The following DNMT3A variants were observed in gnomAD, a reference collection of about 807,000 sequenced individuals.
DNMT3A encodes the protein DNA (cytosine-5)-methyltransferase 3A.
Under a neutral mutation model 117.6 loss-of-function variants are expected in DNMT3A, and 267 were observed. The observed-to-expected ratio is 2.27, with a 90% CI of 2.05 to 2.51. DNMT3A has a LOEUF of 2.51. Among genes scored for constraint, DNMT3A ranks in the 30% most tolerant of loss-of-function variants. The probability of loss-of-function intolerance (pLI) is 0.00; values close to 1 mark genes in which losing one functional copy is unlikely to be tolerated. For missense variants in DNMT3A, 1,029 were observed against 1,260.2 expected, an observed-to-expected ratio of 0.82 and a Z score of 2.78; for synonymous variants, 432 against 474.8, an observed-to-expected ratio of 0.91 and a Z score of 1.17.
At chr2:25,314,192 G>A (rs991247385) in intron 1 of DNMT3A, 31 bp from the exon 2 acceptor site, 30 of 1,410,158 alleles carry the variant, frequency 2.1e-5, no homozygotes, top group East Asian at 1.3e-4. Flanking sequence ...TCAGTGGGGC[G>A]GAGCACCCCA....
intron 16 of DNMT3A, among the ~76,000 whole-genome samples, chr2:25,243,263 C>A (rs933557849): frequency 4.0e-5 from 6 of 150,822 alleles, no homozygotes; most frequent in Non-Finnish European, 5.9e-5. Context: ...CAAGATGGCA[C>A]CACTGCACTC....
chr2:25,295,205 C>A (rs1321966240), intron 3 of DNMT3A, among the ~76,000 whole-genome samples: 1 of 152,174 alleles, frequency 6.6e-6, no homozygotes, highest in East Asian at 1.9e-4. Context: ...TCCTTAGAGG[C>A]TGCCCCTTCC....
chr2:25,269,125 C>T (rs568875896), intron 6 of DNMT3A, among the ~76,000 whole-genome samples: 20 of 152,294 alleles, frequency 1.3e-4, no homozygotes, highest in African/African-American at 4.8e-4. Context: ...AGTTCGAGAC[C>T]AGCCAGGTCA....
At chr2:25,321,481 T>C (rs1428426697) in intron 1 of DNMT3A, among the ~76,000 whole-genome samples, 1 of 152,206 alleles carries the variant, frequency 6.6e-6, no homozygotes. Context: ...TCCCCTCATC[T>C]CTAGGTCATT....
At chr2:25,250,241 T>C (rs1323484538) in intron 6 of DNMT3A, among the ~76,000 whole-genome samples, 4 of 152,214 alleles carry the variant, frequency 2.6e-5, no homozygotes, top group Non-Finnish European at 4.4e-5. Flanking sequence ...CAATGTATTG[T>C]CTTACAGATT....
chr2:25,323,389 C>T (rs1001656814), intron 1 of DNMT3A, among the ~76,000 whole-genome samples: 2 of 152,204 alleles, frequency 1.3e-5, no homozygotes, highest in Non-Finnish European at 2.9e-5. Context: ...GAGTCTATGA[C>T]TTGTGGTTGA....
intron 1 of DNMT3A, among the ~76,000 whole-genome samples, chr2:25,322,626 CT>C (rs1439961112): frequency 6.6e-6 from 1 of 151,864 alleles, no homozygotes; most frequent in East Asian, 1.9e-4. Context: ...CTCAGGACTG[CT>C]CCCCTGCACC....
chr2:25,291,033 C>T (rs1395487130), intron 3 of DNMT3A, among the ~76,000 whole-genome samples: 1 of 152,216 alleles, frequency 6.6e-6, no homozygotes, highest in Non-Finnish European at 1.5e-5. Flanking sequence ...GTCACGTGCA[C>T]AGACTTGAGA....
Position 25,233,770 on chromosome 2 carries a change from A to T in DNMT3A, c.*509T>A, listed in dbSNP as rs908301822. 5.5e-6 allele frequency: 1 copy of T among 182,502 alleles called. No individual in the cohort carries two copies. Among genetic ancestry groups the T allele is most frequent in the Non-Finnish European group, 1.1e-5 (1 of 91,398 alleles). 11.3% of individuals were successfully genotyped at this position (182,502 alleles called of 1,614,324 possible). A position where few individuals can be genotyped will look rare whatever the true frequency, so the allele number is the denominator to read the frequency against. On this transcript the variant is annotated 3_prime_UTR_variant, in exon 23 of 23. Coordinates refer to ENST00000321117, the MANE Select transcript of DNMT3A (RefSeq NM_022552.5). ...ACAAAAAAAAGATATATAGTAAAAAAAAAAACCCAAAAAAAAAAAACAAAA... is the reference window on the plus strand; with the variant it reads ...ACAAAAAAAAGATATATAGTAAAAATAAAAACCCAAAAAAAAAAAACAAAA...
intron 3 of DNMT3A, among the ~76,000 whole-genome samples, chr2:25,289,674 G>T (rs2032600684): frequency 6.6e-6 from 1 of 152,172 alleles, no homozygotes; most frequent in African/African-American, 2.4e-5. Flanking sequence ...TGCCCCCAGG[G>T]TTTGGAGAAG....
chr2:25,313,535 G>A (rs2034235659), intron 2 of DNMT3A, among the ~76,000 whole-genome samples: 1 of 152,186 alleles, frequency 6.6e-6, no homozygotes, highest in African/African-American at 2.4e-5. Context: ...GGAAACAGAG[G>A]CAGCTGAGAG....
Position 25,275,084 on chromosome 2 carries a change from A to G in DNMT3A, c.496T>C (p.Ser166Pro), listed in dbSNP as rs2031283183. The G allele has an allele frequency of 6.3e-7, 1 of 1,581,332 alleles. No homozygotes were observed. The highest frequency in any genetic ancestry group is 1.3e-5 in the African/African-American group (1 of 74,466). ...AAGCCACCCCGCAGCCGGCCCCGGG[A>G]GCCCTAGGACAGAGAGACAGACATT... is the stretch of plus-strand genomic sequence containing the variant. ...TNIESMKMEG[S>P]RGRLRGGLGW... Residue 166 changes from serine to proline, a missense_variant, in exon 6 of 23, where the codon TCC becomes CCC. Ser to Pro is a moderately conservative substitution (Grantham distance 74). Transcript: ENST00000321117.
rs58552784 is a variant in DNMT3A at position 25,262,283 on chromosome 2, C to A, written c.639+12658G>T. On this transcript the variant is annotated intron_variant, in intron 6 of 22. Coordinates refer to ENST00000321117, the MANE Select transcript of DNMT3A (RefSeq NM_022552.5). ...AAACCCTAGCTCAAAAATCCACCCC[C>A]TCCTAAGAGAAAATATCTTAAAGAC... Among the ~76,000 whole-genome samples the A allele has an allele frequency of 2.0e-4, 30 of 151,978 alleles. No individual in the cohort carries two copies. In the South Asian group the frequency reaches 5.4e-3, roughly 27 times the overall value.
In DNMT3A at chr2:25,294,304, C is replaced by T. The variant is rs142334981; in HGVS notation, c.177+5835G>A. Reference sequence around the variant, plus strand: ...CGGGCGTTGATTTCACCGCTCAGGTCGGGGAGTGGGTGGGTGGAGCTGCAA... The same window carrying T: ...CGGGCGTTGATTTCACCGCTCAGGTTGGGGAGTGGGTGGGTGGAGCTGCAA... On this transcript the variant is annotated intron_variant, in intron 3 of 22. Transcript: ENST00000321117. The surrounding 1 kb of genome is among the most constrained non-coding windows in gnomAD (Gnocchi z 4.7). Among the ~76,000 whole-genome samples, 155 of 152,222 alleles carry T rather than the reference C, an allele frequency of 1.0e-3. No homozygotes were observed. The highest frequency in any genetic ancestry group is 3.2e-3 in the African/African-American group (134 of 41,530).
At chr2:25,275,229 G>T in intron 5 of DNMT3A, 142 bp from the exon 6 acceptor site, 1 of 1,272,674 alleles carries the variant, frequency 7.9e-7, no homozygotes, top group Non-Finnish European at 1.0e-6. Flanking sequence ...CCCCGTGTGG[G>T]CTGGAGGAGC....
At chr2:25,342,066 C>T (rs1405890016), upstream of DNMT3A, among the ~76,000 whole-genome samples, 1 of 142,144 alleles carries the variant, frequency 7.0e-6, no homozygotes, top group Non-Finnish European at 1.6e-5. The surrounding 1 kb of genome is among the most constrained non-coding windows in gnomAD (Gnocchi z 5.9). Context: ...TTCCCTCCCT[C>T]CGGCCGCCCG....
intron 1 of DNMT3A, among the ~76,000 whole-genome samples, chr2:25,338,059 G>A (rs2035277008): frequency 6.6e-6 from 1 of 152,222 alleles, no homozygotes; most frequent in Admixed American, 6.5e-5. Context: ...TCAACTCCCA[G>A]TGGGGCACGG....
At chr2:25,299,464 G>A (rs2033292920) in intron 3 of DNMT3A, among the ~76,000 whole-genome samples, 1 of 152,172 alleles carries the variant, frequency 6.6e-6, no homozygotes, top group East Asian at 1.9e-4. Flanking sequence ...TGGTAGGGAG[G>A]GGCCTTCATA....
intron 1 of DNMT3A, among the ~76,000 whole-genome samples, chr2:25,340,382 G>A (rs1558754012): frequency 6.6e-6 from 1 of 152,188 alleles, no homozygotes; most frequent in Non-Finnish European, 1.5e-5. Context: ...GGGTGGGAGA[G>A]GGTGCCCCCA....
Sources: gnomAD v4.1 joint callset for allele counts (sites outside exome capture counted in the v4.1 genomes callset) on GRCh38, gnomAD v4.1.1 for gene constraint, Gnocchi (gnomAD v3.1) non-coding constraint, MANE v1.5 for transcripts, NCBI Gene and HGNC (gene_info 2026-07-23, HGNC 2026-07-21) for gene names.